Variants in PASD1 observed in about 807,000 individuals in gnomAD.
The protein encoded by PASD1 is circadian clock protein PASD1.
In PASD1, 13 loss-of-function variants were observed where a neutral mutation model predicts 58.8. The ratio of observed to expected loss-of-function variants is 0.22; its 90% CI spans 0.14 to 0.35. The LOEUF is 0.35. Among genes scored for constraint, PASD1 ranks in the 10% least tolerant of loss-of-function variants. The pLI, the probability that PASD1 is intolerant of heterozygous loss-of-function variation, is 1.00. For synonymous variants in PASD1, 236 were observed against 216.7 expected, an observed-to-expected ratio of 1.09 and a Z score of -0.78; for missense variants, 734 against 568.3, an observed-to-expected ratio of 1.29 and a Z score of -2.96.
intron 1 of PASD1, among the ~76,000 whole-genome samples, chrX:151,593,559 G>A (rs763617433): frequency 1.0e-4 from 11 of 110,477 alleles, no homozygotes; most frequent in South Asian, 4.0e-4. Context: ...CCATGTCCCC[G>A]CAAAGGACAT....
At chrX:151,666,541 C>A (rs1296544525) in intron 11 of PASD1, among the ~76,000 whole-genome samples, 6 of 105,858 alleles carry the variant, frequency 5.7e-5, no homozygotes, top group Non-Finnish European at 9.7e-5. Flanking sequence ...CCACTCCCCC[C>A]ACCCCATGAC....
intron 11 of PASD1, among the ~76,000 whole-genome samples, chrX:151,667,591 C>A (rs2014400593): frequency 8.9e-6 from 1 of 112,247 alleles, no homozygotes; most frequent in Non-Finnish European, 1.9e-5. Context: ...TTTCAGCTTT[C>A]TACATATGGC....
chrX:151,600,068 G>GCC (rs1259967582), intron 1 of PASD1, among the ~76,000 whole-genome samples: 2 of 112,318 alleles, frequency 1.8e-5, no homozygotes, highest in East Asian at 5.6e-4. Context: ...CTGGAGACCA[G>GCC]CCCGGCCAAC....
At chrX:151,669,981 T>C (rs984379293) in intron 11 of PASD1, among the ~76,000 whole-genome samples, 1 of 112,230 alleles carries the variant, frequency 8.9e-6, no homozygotes, top group Non-Finnish European at 1.9e-5. Context: ...CTGTTTTCCA[T>C]AGTGGCTGTA....
intron 7 of PASD1, among the ~76,000 whole-genome samples, chrX:151,623,808 C>G (rs1254226684): frequency 1.8e-5 from 2 of 111,412 alleles, no homozygotes; most frequent in African/African-American, 6.5e-5. Flanking sequence ...GAAGGCAACG[C>G]AGGTAGATGG....
At position 151,676,266 on chromosome X, in the gene PASD1, CTTAT is replaced by C. The variant is rs10580019; in HGVS notation, c.*126_*129del. On this transcript the variant is annotated 3_prime_UTR_variant, in exon 16 of 16. Coordinates refer to ENST00000370357, the MANE Select transcript of PASD1 (RefSeq NM_173493.3). ...TGGGGTAGGGTTTAGTGGGTAGAGA[CTTAT>C]TTGTTTCCTGATAGGTTATGTTTGT... 0.25 allele frequency: 178,036 copies of C among 707,510 alleles called. 21,439 individuals are homozygous for C. Among genetic ancestry groups the C allele is most frequent in the East Asian group, 0.88 (25,044 of 28,443 alleles). The allele number at this position is 707,510 out of a possible 1,213,427, so 58.3% of individuals were successfully genotyped here.
chrX:151,609,951 T>G (rs1283629335), intron 3 of PASD1, among the ~76,000 whole-genome samples: 1 of 111,287 alleles, frequency 9.0e-6, no homozygotes, highest in African/African-American at 3.3e-5. Flanking sequence ...GGGGTTTCAA[T>G]TTCTTCATAT....
intron 3 of PASD1, among the ~76,000 whole-genome samples, chrX:151,609,717 G>C (rs1331793636): frequency 1.8e-5 from 2 of 110,828 alleles, no homozygotes; most frequent in African/African-American, 6.5e-5. Flanking sequence ...TGGACACTTA[G>C]ATTGTTTACA....
At chrX:151,584,724 G>C (rs1366776186) in intron 1 of PASD1, among the ~76,000 whole-genome samples, 1 of 112,016 alleles carries the variant, frequency 8.9e-6, no homozygotes, top group African/African-American at 3.2e-5. Flanking sequence ...GATGGGGTTG[G>C]TAAACTTCAC....
intron 1 of PASD1, among the ~76,000 whole-genome samples, chrX:151,578,571 T>C (rs904782674): frequency 8.9e-6 from 1 of 112,622 alleles, no homozygotes; most frequent in Non-Finnish European, 1.9e-5. Context: ...GTATCTCCAG[T>C]AGATTCAAAA....
intron 8 of PASD1, 37 bp from the exon 9 acceptor site, chrX:151,648,578 A>G (rs2014090659): frequency 1.7e-6 from 2 of 1,153,289 alleles, no homozygotes; most frequent in Non-Finnish European, 2.4e-6. Context: ...ATGGCGAGTG[A>G]GATATGCTTA....
At chrX:151,603,823 A>G (rs1465694103) in intron 2 of PASD1, among the ~76,000 whole-genome samples, 1 of 112,183 alleles carries the variant, frequency 8.9e-6, no homozygotes, top group Non-Finnish European at 1.9e-5. Flanking sequence ...ATGCCTGTCA[A>G]GAAAGCAATA....
intron 3 of PASD1, among the ~76,000 whole-genome samples, chrX:151,606,162 C>CT (rs1282484597): frequency 9.9e-6 from 1 of 100,542 alleles, no homozygotes; most frequent in African/African-American, 3.7e-5. Context: ...GCTTTAATAA[C>CT]TTCCCTAGAA....
intron 1 of PASD1, among the ~76,000 whole-genome samples, chrX:151,568,108 T>C (rs906035257): frequency 1.8e-5 from 2 of 112,429 alleles, no homozygotes; most frequent in African/African-American, 6.5e-5. Flanking sequence ...CCCTTGTCCT[T>C]TATCAAGGGC....
At chrX:151,604,142 A>T (rs191575808) in intron 2 of PASD1, among the ~76,000 whole-genome samples, 38 of 111,725 alleles carry the variant, frequency 3.4e-4, no homozygotes, top group African/African-American at 1.2e-3. Flanking sequence ...CAGATGGGGG[A>T]GAGGACAGTA....
At chrX:151,584,220 A>G (rs2013136409) in intron 1 of PASD1, among the ~76,000 whole-genome samples, 1 of 111,834 alleles carries the variant, frequency 8.9e-6, no homozygotes, top group African/African-American at 3.2e-5. Flanking sequence ...TACATCCAGA[A>G]GAAAAGCAGA....
intron 7 of PASD1, 84 bp from the exon 8 acceptor site, chrX:151,625,364 G>A: frequency 3.1e-6 from 2 of 650,887 alleles, no homozygotes; most frequent in Non-Finnish European, 4.7e-6. Context: ...TTGGATATGA[G>A]CATGCCTCCA....
chrX:151,608,765 G>A (rs1227302756), intron 3 of PASD1, among the ~76,000 whole-genome samples: 2 of 111,372 alleles, frequency 1.8e-5, no homozygotes, highest in Non-Finnish European at 3.8e-5. Flanking sequence ...ATGATGATGT[G>A]ATTGGTTATA....
intron 13 of PASD1, 49 bp from the exon 14 acceptor site, chrX:151,672,133 GA>G (rs1256350449): frequency 1.8e-6 from 2 of 1,118,413 alleles, no homozygotes; most frequent in Admixed American, 3.7e-5. Flanking sequence ...AAGTTTCTGG[GA>G]GGCTCTTGCA....
Sources: allele counts gnomAD v4.1 joint callset (sites outside exome capture counted in the v4.1 genomes callset), GRCh38; gene constraint gnomAD v4.1.1; transcripts MANE v1.5; gene names NCBI Gene and HGNC (gene_info 2026-07-23, HGNC 2026-07-21).